The following TBC1D32 variants were observed in gnomAD, a reference collection of about 807,000 sequenced individuals.
TBC1D32 encodes protein broad-minded.
A neutral mutation model predicts 170.3 loss-of-function variants in TBC1D32; 151 were observed. The observed-to-expected ratio is 0.89, with a 90% CI of 0.78 to 1.01. TBC1D32 has a LOEUF of 1.01. Among genes scored for constraint, TBC1D32 ranks in the 50% least tolerant of loss-of-function variants. The probability of loss-of-function intolerance (pLI) is 0.00; values close to 1 mark genes in which losing one functional copy is unlikely to be tolerated. For missense variants in TBC1D32, 1,464 were observed against 1,457.1 expected (o/e 1.00, Z -0.08); for synonymous variants, 498 against 488.0 (o/e 1.02, Z -0.27).
chr6:121,271,729 C>T (rs1801460286), intron 15 of TBC1D32, among the ~76,000 whole-genome samples: 1 of 152,104 alleles, frequency 6.6e-6, no homozygotes, highest in Non-Finnish European at 1.5e-5. Flanking sequence ...CATCAAGCTA[C>T]CAATGACTTT....
intron 24 of TBC1D32, among the ~76,000 whole-genome samples, chr6:121,145,307 A>G (rs1201638202): frequency 2.0e-5 from 3 of 152,236 alleles, no homozygotes; most frequent in African/African-American, 7.2e-5. Context: ...AAATCCTATC[A>G]TTTGTGACAA....
At chr6:121,161,222 C>A (rs1489602174) in intron 22 of TBC1D32, among the ~76,000 whole-genome samples, 166 bp from the exon 23 acceptor site, 1 of 152,096 alleles carries the variant, frequency 6.6e-6, no homozygotes, top group Non-Finnish European at 1.5e-5. Flanking sequence ...TTCAGGGTAC[C>A]TGTGCAGGAT....
At position 121,249,120 on chromosome 6, in the gene TBC1D32, T is replaced by C. The variant is rs1331237680; in HGVS notation, c.2018+6208A>G. Among the ~76,000 whole-genome samples, 3 of 151,874 alleles carry C rather than the reference T, an allele frequency of 2.0e-5. No individual in the cohort carries two copies. In the East Asian group the frequency reaches 5.8e-4, roughly 29 times the overall value. On this transcript the variant is annotated intron_variant, in intron 17 of 31. Coordinates refer to ENST00000398212, the MANE Select transcript of TBC1D32 (RefSeq NM_152730.6). The stretch of plus-strand genomic sequence containing the variant: ...AATACACCATGATCAAGATAGGTAA[T>C]ACATCATGATCACAATGTAGGGATG...
intron 15 of TBC1D32, among the ~76,000 whole-genome samples, chr6:121,268,089 C>G (rs1800797513): frequency 6.6e-6 from 1 of 151,990 alleles, no homozygotes; most frequent in Admixed American, 6.6e-5. Context: ...ATATCCACAC[C>G]AAAACCCCAT....
intron 22 of TBC1D32, among the ~76,000 whole-genome samples, chr6:121,176,623 A>T (rs777482876): frequency 1.2e-4 from 18 of 150,862 alleles, no homozygotes; most frequent in Non-Finnish European, 2.4e-4. Context: ...CCCGAGATGG[A>T]GTTTCACTCT....
intron 25 of TBC1D32, 105 bp from the exon 26 acceptor site, chr6:121,126,566 A>G: frequency 4.0e-6 from 3 of 754,032 alleles, no homozygotes; most frequent in South Asian, 3.4e-5. Flanking sequence ...TGAACTTCAC[A>G]GATACACTCT....
rs942939530 is a variant in TBC1D32, at chr6:121,285,097, T to C, written c.1373-1187A>G. Among the ~76,000 whole-genome samples the C allele has an allele frequency of 8.5e-5, 13 of 152,288 alleles. No individual in the cohort carries two copies. In the East Asian group the frequency reaches 2.5e-3, roughly 29 times the overall value. Reference sequence around the variant, plus strand: ...TAACGGGGTCAGCAAACTATAGCCATTGTGGGCTGATTTCATAAGGCTCAC... The same window carrying C: ...TAACGGGGTCAGCAAACTATAGCCACTGTGGGCTGATTTCATAAGGCTCAC... On this transcript the variant is annotated intron_variant, in intron 12 of 31. Transcript: ENST00000398212.
chr6:121,247,353 C>T (rs533145659), intron 17 of TBC1D32, among the ~76,000 whole-genome samples: 1 of 151,392 alleles, frequency 6.6e-6, no homozygotes, highest in Non-Finnish European at 1.5e-5. Flanking sequence ...TCTTGATATA[C>T]ACCAAAATAG....
chr6:121,113,579 G>A (rs1158058674), intron 27 of TBC1D32, among the ~76,000 whole-genome samples: 6 of 152,076 alleles, frequency 3.9e-5, no homozygotes, highest in African/African-American at 1.4e-4. Context: ...AAATGTGTAG[G>A]ACTATTTTTG....
chr6:121,317,687 T>C lies in TBC1D32; in HGVS notation c.318-15A>G. 6.5e-7 allele frequency: 1 copy of C among 1,537,260 alleles called. No individual in the cohort carries two copies. Among genetic ancestry groups the C allele is most frequent in the Non-Finnish European group, 8.8e-7 (1 of 1,137,040 alleles). On this transcript the variant is annotated splice_polypyrimidine_tract_variant and intron_variant, in intron 2 of 31. Coordinates refer to ENST00000398212, the MANE Select transcript of TBC1D32 (RefSeq NM_152730.6). ...TTTCTTTGTACCTTTAAATTCAAGG[T>C]AGTCTTAATAAGAGAAAGACGATCA...
rs79413374 is a variant in TBC1D32, at chr6:121,256,299, C to T, written c.1734-14G>A. 1.6e-3 allele frequency: 2,558 copies of T among 1,592,012 alleles called. 35 individuals carry two copies. In the African/African-American group the frequency reaches 0.03, roughly 18 times the overall value. On this transcript the variant is annotated splice_polypyrimidine_tract_variant and intron_variant, in intron 15 of 31. Transcript: ENST00000398212. ...GCACCTGTAGGACTAAAAGATGATACCTGAAAGTGATTCCAAGGTTATATT... is the reference window on the plus strand; with the variant it reads ...GCACCTGTAGGACTAAAAGATGATATCTGAAAGTGATTCCAAGGTTATATT...
At chr6:121,334,001 A>T (rs1811543291) in intron 1 of TBC1D32, among the ~76,000 whole-genome samples, 1 of 152,108 alleles carries the variant, frequency 6.6e-6, no homozygotes, top group South Asian at 2.1e-4. Flanking sequence ...CGGGAGGCGG[A>T]GGTTGTAGTG....
In TBC1D32 at chr6:121,090,897, T is replaced by C. The variant is rs1448546265; in HGVS notation, c.3610A>G (p.Ile1204Val). 6.2e-7 allele frequency: 1 copy of C among 1,612,908 alleles called. No individual in the cohort carries two copies. The highest frequency in any genetic ancestry group is 1.1e-5 in the South Asian group (1 of 90,802). Reference sequence around the variant, plus strand: ...TCTTGAGTCTGAGTGTGCTGTAGAATGTCTTGCTGTAAATGTTTGAATACA... The same window carrying C: ...TCTTGAGTCTGAGTGTGCTGTAGAACGTCTTGCTGTAAATGTTTGAATACA... Reference protein sequence around the residue: ...IAVFKHLQQDILQHTQTQDLQ... With the variant: ...IAVFKHLQQDVLQHTQTQDLQ... Residue 1204 changes from isoleucine to valine, a missense_variant, in exon 31 of 32, where the codon ATT (isoleucine) becomes GTT (valine). Ile to Val is a conservative substitution (Grantham distance 29). Coordinates refer to ENST00000398212, the MANE Select transcript of TBC1D32 (RefSeq NM_152730.6).
In TBC1D32 at chr6:121,256,088, T is replaced by C. The variant is rs1169226678; in HGVS notation, c.1931A>G (p.Lys644Arg). 1 of 1,608,034 alleles carries C rather than the reference T, an allele frequency of 6.2e-7. No individual in the cohort carries two copies. The highest frequency in any genetic ancestry group is 8.5e-7 in the Non-Finnish European group (1 of 1,178,694). ...ACGAAGCTTGAAAATACTTACCTTT[T>C]TCCATGCCTTTGCTATAGATTCATG... ...NLHESIAKAW[K>R]KTSLLSERIP... is the part of the protein sequence containing the mutation. The change falls in exon 16 of 32, where the codon AAA (lysine) becomes AGA (arginine). Residue 644 changes from lysine (K) to arginine (R), a missense_variant. Coordinates refer to ENST00000398212, the MANE Select transcript of TBC1D32 (RefSeq NM_152730.6).
intron 9 of TBC1D32, among the ~76,000 whole-genome samples, chr6:121,301,694 T>A (rs925642180): frequency 5.9e-5 from 9 of 152,068 alleles, no homozygotes; most frequent in East Asian, 1.9e-4. Flanking sequence ...AGTAAAAAAA[T>A]TTTTTTGAAA....
chr6:121,128,148 T>C (rs17083211), intron 25 of TBC1D32, among the ~76,000 whole-genome samples: 3,782 of 152,272 alleles, frequency 0.025, 167 homozygotes, highest in East Asian at 0.13. Flanking sequence ...CTATATTGCA[T>C]AGGTAAAAAT....
chr6:121,259,418 T>C (rs1799478907), intron 15 of TBC1D32, among the ~76,000 whole-genome samples: 2 of 152,168 alleles, frequency 1.3e-5, no homozygotes, highest in Non-Finnish European at 2.9e-5. Flanking sequence ...GGTTAAGTGG[T>C]AGACAATAAA....
intron 24 of TBC1D32, among the ~76,000 whole-genome samples, chr6:121,140,267 T>G (rs1339924939): frequency 1.3e-5 from 2 of 151,208 alleles, no homozygotes; most frequent in Non-Finnish European, 2.9e-5. Flanking sequence ...TTTTATATAA[T>G]ATATACCTCC....
chr6:121,281,626 T>C lies in TBC1D32; in HGVS notation c.1526A>G (p.Glu509Gly), dbSNP rs781131102. Reference protein sequence around the residue: ...EVLWILSDQKECAVECLYNNI... With the variant: ...EVLWILSDQKGCAVECLYNNI... Reference sequence around the variant, plus strand: ...GTTATATAAGCATTCCACTGCACATTCTTTTTGATCACTGAGTATCCACAG... The same window carrying C: ...GTTATATAAGCATTCCACTGCACATCCTTTTTGATCACTGAGTATCCACAG... Residue 509 changes from glutamate (E) to glycine (G), a missense_variant, in exon 14 of 32, where the codon GAA (glutamate) becomes GGA (glycine). By Grantham distance (98) the Glu-to-Gly change is moderately conservative. Coordinates refer to ENST00000398212, the MANE Select transcript of TBC1D32 (RefSeq NM_152730.6). 1.9e-6 allele frequency: 3 copies of C among 1,607,386 alleles called. No homozygotes were observed. In the African/African-American group the frequency reaches 4.0e-5, roughly 22 times the overall value.
Sources: gnomAD v4.1 joint callset for allele counts (sites outside exome capture counted in the v4.1 genomes callset) on GRCh38, gnomAD v4.1.1 for gene constraint, MANE v1.5 for transcripts, NCBI Gene and HGNC (gene_info 2026-07-23, HGNC 2026-07-21) for gene names.